The following ECHS1 variants were observed in gnomAD, a reference collection of about 807,000 sequenced individuals.
ECHS1 encodes enoyl-CoA hydratase, short chain 1.
Under a neutral mutation model 33.5 loss-of-function variants are expected in ECHS1, and 19 were observed. The observed-to-expected ratio is 0.57, with a 90% CI of 0.40 to 0.83. The LOEUF is 0.83. ECHS1 is among the 40% of genes least tolerant of loss of function. ECHS1 has a pLI of 0.00. For synonymous variants in ECHS1, 158 were observed against 146.6 expected (o/e 1.08, Z -0.56); for missense variants, 365 against 381.3 (o/e 0.96, Z 0.36).
rs751113264 is a variant in ECHS1 at position 133,369,017 on chromosome 10, G to A, written c.420C>T (p.Gly140=). ...VIAAVNGYAF[G]GGCELAMMCD... is the part of the protein sequence containing the mutation. ...ACATCATGGCAAGCTCACAGCCCCC[G>A]CCAAACTGTAAAACATTCGGCATCA... The change falls in exon 4 of 8, where the codon GGC becomes GGT. Residue 140 remains glycine, a synonymous_variant. Transcript: ENST00000368547. 25 of 1,613,262 alleles carry A rather than the reference G, an allele frequency of 1.5e-5. No individual in the cohort carries two copies. The East Asian group carries it at 2.2e-4, about 14-fold the overall frequency.
chr10:133,366,938 C>A lies in ECHS1; in HGVS notation c.570G>T (p.Glu190Asp). The A allele has an allele frequency of 6.2e-7, 1 of 1,612,750 alleles. No individual in the cohort carries two copies. Reference sequence around the variant, plus strand: ...AGATCCGGTCACCAGTGAGGACCATCTCCATCGCCAGCGACTTCCCAACAG... The same window carrying A: ...AGATCCGGTCACCAGTGAGGACCATATCCATCGCCAGCGACTTCCCAACAG... ...TRAVGKSLAM[E>D]MVLTGDRISA... The change falls in exon 5 of 8, where the codon GAG becomes GAT. Residue 190 changes from glutamate to aspartate, a missense_variant. Physicochemically the swap from Glu to Asp is conservative, Grantham distance 45. Coordinates refer to ENST00000368547, the MANE Select transcript of ECHS1 (RefSeq NM_004092.4).
At chr10:133,363,609 C>G (rs915213335) in intron 7 of ECHS1, among the ~76,000 whole-genome samples, 9 of 152,158 alleles carry the variant, frequency 5.9e-5, no homozygotes, top group African/African-American at 2.2e-4. Flanking sequence ...CATGGTGAAA[C>G]TCTGTCTCTA....
chr10:133,369,611 G>A (rs1404483804), intron 3 of ECHS1, among the ~76,000 whole-genome samples: 5 of 152,204 alleles, frequency 3.3e-5, no homozygotes, highest in Non-Finnish European at 7.3e-5. Flanking sequence ...GAGCTTTCAA[G>A]GGGAGCAAAA....
At chr10:133,371,146 G>A (rs989598424) in intron 1 of ECHS1, among the ~76,000 whole-genome samples, 47 of 151,914 alleles carry the variant, frequency 3.1e-4, no homozygotes, top group Admixed American at 1.1e-3. Flanking sequence ...GTGTTGTGGC[G>A]GGCGCCTGTA....
In ECHS1 at chr10:133,366,957, C is replaced by T; in HGVS notation, c.551G>A (p.Gly184Glu). ...GACCATCTCCATCGCCAGCGACTTC[C>T]CAACAGCACGGGTGAGTCTCTGGGT... ...GGTQRLTRAVGKSLAMEMVLT... is the reference protein window; with the variant it reads ...GGTQRLTRAVEKSLAMEMVLT... Residue 184 changes from glycine to glutamate, a missense_variant, in exon 5 of 8, where the codon GGG becomes GAG. Transcript: ENST00000368547. 6.2e-7 allele frequency: 1 copy of T among 1,612,750 alleles called. No homozygotes were observed. The highest frequency in any genetic ancestry group is 8.5e-7 in the Non-Finnish European group (1 of 1,179,984).
intron 5 of ECHS1, 48 bp downstream of exon 5, chr10:133,366,841 C>G: frequency 6.7e-7 from 1 of 1,482,732 alleles, no homozygotes; most frequent in Non-Finnish European, 9.3e-7. Context: ...CTGTGGGGCT[C>G]CCACCCCGGG....
In ECHS1 at chr10:133,362,891, T is replaced by C. The variant is rs1157998945; in HGVS notation, c.850A>G (p.Lys284Glu). ...EGMTAFVEKRKANFKDQ is the reference protein window; with the variant it reads ...EGMTAFVEKREANFKDQ The stretch of plus-strand genomic sequence containing the variant: ...TCTCACTGGTCTTTGAAGTTGGCCT[T>C]TCTCTTTTCCACAAACGCGGTCATC... Residue 284 changes from lysine (K) to glutamate (E), a missense_variant, in exon 8 of 8, where the codon AAG becomes GAG. Physicochemically the swap from Lys to Glu is moderately conservative, Grantham distance 56. Transcript: ENST00000368547. 1 of 1,614,184 alleles carries C rather than the reference T, an allele frequency of 6.2e-7. No individual in the cohort carries two copies. The highest frequency in any genetic ancestry group is 1.7e-5 in the Admixed American group (1 of 60,026).
chr10:133,363,379 A>G lies in ECHS1; in HGVS notation c.808-446T>C, dbSNP rs200371291. On this transcript the variant is annotated intron_variant, in intron 7 of 7. Coordinates refer to ENST00000368547, the MANE Select transcript of ECHS1 (RefSeq NM_004092.4). The stretch of plus-strand genomic sequence containing the variant: ...CGCACACACACACACACACACACAC[A>G]CACACGCATCTGTACCCCTTCCTCA... Among the ~76,000 whole-genome samples the G allele has an allele frequency of 5.7e-3, 216 of 37,932 alleles. 1 individual carries two copies. The highest frequency in any genetic ancestry group is 0.013 in the Middle Eastern group (1 of 78). 24.9% of individuals were successfully genotyped at this position (37,932 alleles called of 152,430 possible).
Position 133,369,907 on chromosome 10 carries a change from A to G in ECHS1, c.411T>C (p.Tyr137=), listed in dbSNP as rs1382816191. The change falls in exon 3 of 8, where the codon TAT becomes TAC. Residue 137 remains tyrosine, a synonymous_variant. Coordinates refer to ENST00000368547, the MANE Select transcript of ECHS1 (RefSeq NM_004092.4). ...KKPVIAAVNG[Y]AFGGGCELAM... is the part of the protein sequence containing the mutation. Reference sequence around the variant, plus strand: ...GACTCTTGGCAGCAACACTCACGGCATAGCCATTGACAGCAGCGATGACTG... The same window carrying G: ...GACTCTTGGCAGCAACACTCACGGCGTAGCCATTGACAGCAGCGATGACTG... 1 of 1,613,500 alleles carries G rather than the reference A, an allele frequency of 6.2e-7. No homozygotes were observed.
In ECHS1 at chr10:133,362,969, G is replaced by C. The variant is rs45506491; in HGVS notation, c.808-36C>G. The C allele has an allele frequency of 6.1e-4, 981 of 1,608,452 alleles. 3 individuals are homozygous for C. In the African/African-American group the frequency reaches 0.01, roughly 16 times the overall value. On this transcript the variant is annotated intron_variant, in intron 7 of 7. Coordinates refer to ENST00000368547, the MANE Select transcript of ECHS1 (RefSeq NM_004092.4). ...AAGGAACAGAAACAGAGCTGGACGCGCAGTATCCTCACAGAGCCTGATGCC... is the reference window on the plus strand; with the variant it reads ...AAGGAACAGAAACAGAGCTGGACGCCCAGTATCCTCACAGAGCCTGATGCC...
chr10:133,373,027 GGGGGT>G (rs1849133951), intron 1 of ECHS1, among the ~76,000 whole-genome samples: 1 of 70,416 alleles, frequency 1.4e-5, no homozygotes, highest in African/African-American at 5.7e-5. Context: ...GGTCAGGTGG[GGGGGT>G]GCGGGGTCAG....
In ECHS1 at chr10:133,370,705, C is replaced by T. The variant is rs1849095885; in HGVS notation, c.141G>A (p.Val47=). 1 of 1,613,200 alleles carries T rather than the reference C, an allele frequency of 6.2e-7. No homozygotes were observed. The highest frequency in any genetic ancestry group is 1.3e-5 in the African/African-American group (1 of 75,028). The part of the protein sequence containing the change: ...IAEKRGKNNT[V]GLIQLNRPKA... ...TGGGGCGGTTCAGTTGGATCAACCC[C>T]ACGGTGTTATTCTTCCCTCTTTTTT... Residue 47 remains valine (V), a synonymous_variant, in exon 2 of 8, where the codon GTG becomes GTA. Transcript: ENST00000368547.
chr10:133,363,244 A>G (rs1016773768), intron 7 of ECHS1, among the ~76,000 whole-genome samples: 4 of 152,224 alleles, frequency 2.6e-5, no homozygotes, highest in Non-Finnish European at 5.9e-5. Flanking sequence ...CAACTGGATG[A>G]TGGGTGGCCT....
chr10:133,366,820 G>T, intron 5 of ECHS1, 69 bp downstream of exon 5: 1 of 1,271,256 alleles, frequency 7.9e-7, no homozygotes, highest in Non-Finnish European at 1.1e-6. Flanking sequence ...CCTGGATGCC[G>T]CCCTGGGTTT....
chr10:133,368,649 G>T (rs1849064013), intron 4 of ECHS1, among the ~76,000 whole-genome samples: 1 of 152,158 alleles, frequency 6.6e-6, no homozygotes, highest in African/African-American at 2.4e-5. Flanking sequence ...TCACAAGCAA[G>T]AACTGTCATG....
In ECHS1 at chr10:133,362,524, A is replaced by G; in HGVS notation, c.*344T>C. 2.7e-6 allele frequency: 1 copy of G among 371,160 alleles called. No individual in the cohort carries two copies. The highest frequency in any genetic ancestry group is 4.2e-5 in the Admixed American group (1 of 24,018). The allele number at this position is 371,160 out of a possible 1,614,324, so 23.0% of individuals were successfully genotyped here. A position where few individuals can be genotyped will look rare whatever the true frequency, so the allele number is the denominator to read the frequency against. On this transcript the variant is annotated 3_prime_UTR_variant, in exon 8 of 8. Coordinates refer to ENST00000368547, the MANE Select transcript of ECHS1 (RefSeq NM_004092.4). ...ATCACTTTAATCAGCATCTGTATGA[A>G]GGCAGCAGACAGCGTTTCCCTCAGA...
Position 133,370,575 on chromosome 10 carries a change from C to T in ECHS1, c.271G>A (p.Asp91Asn). 1.3e-6 allele frequency: 2 copies of T among 1,594,196 alleles called. No individual in the cohort carries two copies. Among genetic ancestry groups the T allele is most frequent in the South Asian group, 2.3e-5 (2 of 88,406 alleles). ...AVGAIVLTGGDKAFAAGADIK... is the reference protein window; with the variant it reads ...AVGAIVLTGGNKAFAAGADIK... ...CCGCGCGTACCTGCAAAGGCCTTAT[C>T]CCCGCCGGTGAGGACAATGGCCCCC... Residue 91 changes from aspartate (D) to asparagine (N), a missense_variant, in exon 2 of 8, where the codon GAT becomes AAT. By Grantham distance (23) the Asp-to-Asn change is conservative. Transcript: ENST00000368547.
chr10:133,373,287 C>T lies in ECHS1; in HGVS notation c.47G>A (p.Arg16Lys). 6.8e-7 allele frequency: 1 copy of T among 1,481,272 alleles called. No individual in the cohort carries two copies. The highest frequency in any genetic ancestry group is 1.5e-5 in the African/African-American group (1 of 68,774). 91.8% of individuals were successfully genotyped at this position (1,481,272 alleles called of 1,614,324 possible). The change falls in exon 1 of 8, where the codon AGG (arginine) becomes AAG (lysine). Residue 16 changes from arginine to lysine, a missense_variant. Coordinates refer to ENST00000368547, the MANE Select transcript of ECHS1 (RefSeq NM_004092.4). ...VLLSCVRGPL[R>K]PPVRCPAWRP... ...CCAGGCGGGACAGCGAACCGGGGGC[C>T]TCAGCGGGCCGCGGACGCAGGACAG...
chr10:133,363,416 C>G (rs1848991767), intron 7 of ECHS1, among the ~76,000 whole-genome samples: 1 of 152,034 alleles, frequency 6.6e-6, no homozygotes, highest in Non-Finnish European at 1.5e-5. Flanking sequence ...GTGCCCAAAC[C>G]ACTTTTAATT....
Sources: gnomAD v4.1 joint callset for allele counts (sites outside exome capture counted in the v4.1 genomes callset) on GRCh38, gnomAD v4.1.1 for gene constraint, MANE v1.5 for transcripts, NCBI Gene and HGNC (gene_info 2026-07-23, HGNC 2026-07-21) for gene names.